KCNJ10: variants seen among roughly 807,000 people sequenced by gnomAD.
The protein encoded by KCNJ10 is potassium inwardly rectifying channel subfamily J member 10.
KCNJ10 carries 9 observed loss-of-function variants against 22.2 expected under a neutral mutation model. The observed-to-expected ratio is 0.40, with a 90% CI of 0.24 to 0.71. The LOEUF (loss-of-function observed/expected upper bound fraction) is 0.71, where lower values mean the gene tolerates loss of function less well. Among genes scored for constraint, KCNJ10 ranks in the 30% least tolerant of loss-of-function variants. The probability of loss-of-function intolerance (pLI) is 0.35; values close to 1 mark genes in which losing one functional copy is unlikely to be tolerated. For synonymous variants in KCNJ10, 184 were observed against 187.3 expected (o/e 0.98, Z 0.15); for missense variants, 337 against 482.7 (o/e 0.70, Z 2.83).
intron 1 of KCNJ10, among the ~76,000 whole-genome samples, chr1:160,051,956 C>T (rs1335829316): frequency 6.6e-6 from 1 of 152,146 alleles, no homozygotes; most frequent in African/African-American, 2.4e-5. Flanking sequence ...TATGGTTTCT[C>T]CAGCTTCCTG....
Position 160,040,790 on chromosome 1 carries a change from A to T in KCNJ10, c.*603T>A, listed in dbSNP as rs1648582610. 1 of 395,594 alleles carries T rather than the reference A, an allele frequency of 2.5e-6. No homozygotes were observed. The highest frequency in any genetic ancestry group is 4.5e-6 in the Non-Finnish European group (1 of 223,860). The allele number at this position is 395,594 out of a possible 1,614,324, so 24.5% of individuals were successfully genotyped here. On this transcript the variant is annotated 3_prime_UTR_variant, in exon 2 of 2. Transcript: ENST00000644903. ...TGTTCACTTGAGAAACTACAGAGGG[A>T]AAACAGTGGCGACCATGGTTCTAGC...
intron 1 of KCNJ10, among the ~76,000 whole-genome samples, chr1:160,049,675 T>TTATTTATTTATA (rs1283511580): frequency 4.2e-5 from 2 of 47,096 alleles, no homozygotes; most frequent in African/African-American, 7.1e-5. Context: ...TTTTATTTAT[T>TTATTTATTTATA]TATATATATA....
intron 1 of KCNJ10, among the ~76,000 whole-genome samples, chr1:160,060,797 C>A (rs1649172444): frequency 6.6e-6 from 1 of 152,156 alleles, no homozygotes; most frequent in African/African-American, 2.4e-5. Context: ...ATACAGCCTA[C>A]AGATCCTCGT....
chr1:160,065,139 A>T (rs1433726448), intron 1 of KCNJ10: 1 of 152,152 alleles, frequency 6.6e-6, no homozygotes. Flanking sequence ...TAGGGCTTGT[A>T]ATCTTAGGGT....
chr1:160,043,272 A>AACACACAC (rs779402094), intron 1 of KCNJ10, among the ~76,000 whole-genome samples: 77 of 132,746 alleles, frequency 5.8e-4, no homozygotes, highest in Admixed American at 2.1e-3. Context: ...TCCCCCTTAA[A>AACACACAC]ACACACACAC....
In KCNJ10 at chr1:160,038,878, T is replaced by C. The variant is rs1648539002; in HGVS notation, c.*2515A>G. ...CTTCCCCCATCAGTTGTTTCGCCCG[T>C]CTTCTGAAATCTCCCCTTTTTACAC... On this transcript the variant is annotated 3_prime_UTR_variant, in exon 2 of 2. Transcript: ENST00000644903. The C allele has an allele frequency of 6.6e-6, 1 of 152,274 alleles. No individual in the cohort carries two copies. The highest frequency in any genetic ancestry group is 2.1e-4 in the South Asian group (1 of 4,834). The allele number at this position is 152,274 out of a possible 1,614,324, so 9.4% of individuals were successfully genotyped here.
In KCNJ10 at chr1:160,040,720, A is replaced by G. The variant is rs1395489540; in HGVS notation, c.*673T>C. 3 of 397,584 alleles carry G rather than the reference A, an allele frequency of 7.5e-6. No homozygotes were observed. The highest frequency in any genetic ancestry group is 1.3e-5 in the Non-Finnish European group (3 of 225,982). 24.6% of individuals were successfully genotyped at this position (397,584 alleles called of 1,614,324 possible). On this transcript the variant is annotated 3_prime_UTR_variant, in exon 2 of 2. Transcript: ENST00000644903. ...GTTTATGTTTCTTGGGCCAACTCCAATTCTCTGAGAACAGAGGCTATGAGG... is the reference window on the plus strand; with the variant it reads ...GTTTATGTTTCTTGGGCCAACTCCAGTTCTCTGAGAACAGAGGCTATGAGG...
In KCNJ10 at chr1:160,041,464, A is replaced by C. The variant is rs370664864; in HGVS notation, c.1069T>G (p.Leu357Val). 6.2e-7 allele frequency: 1 copy of C among 1,614,026 alleles called. No homozygotes were observed. Among genetic ancestry groups the C allele is most frequent in the Non-Finnish European group, 8.5e-7 (1 of 1,180,028 alleles). The change falls in exon 2 of 2, where the codon TTG becomes GTG. Residue 357 changes from leucine (L) to valine (V), a missense_variant. Coordinates refer to ENST00000644903, the MANE Select transcript of KCNJ10 (RefSeq NM_002241.5). The surrounding 1 kb of genome is among the most constrained non-coding windows in gnomAD (Gnocchi z 4.4). The stretch of plus-strand genomic sequence containing the variant: ...GCTTGCTCCCTTAATGACTCCTCCA[A>C]CTTGAGCTTTTCAGGGTCTCCGTAG... ...VRYGDPEKLK[L>V]EESLREQAEK...
intron 1 of KCNJ10, among the ~76,000 whole-genome samples, chr1:160,045,787 C>T (rs1648729889): frequency 6.6e-6 from 1 of 152,138 alleles, no homozygotes; most frequent in Non-Finnish European, 1.5e-5. Context: ...GGAGAAGAGA[C>T]AATCAGAAAG....
intron 1 of KCNJ10, among the ~76,000 whole-genome samples, chr1:160,056,428 G>A (rs939518979): frequency 5.9e-5 from 9 of 152,160 alleles, no homozygotes; most frequent in Non-Finnish European, 1.3e-4. Context: ...TGCTCCACTT[G>A]TCTGTCTCCC....
chr1:160,049,249 C>T (rs191610553), intron 1 of KCNJ10, among the ~76,000 whole-genome samples: 47 of 152,242 alleles, frequency 3.1e-4, no homozygotes, highest in Non-Finnish European at 5.9e-4. Flanking sequence ...CAGGCCAAAC[C>T]CAGGCTGGCA....
At chr1:160,050,860 G>GT (rs1557970778) in intron 1 of KCNJ10, among the ~76,000 whole-genome samples, 2 of 152,192 alleles carry the variant, frequency 1.3e-5, no homozygotes, top group African/African-American at 4.8e-5. Flanking sequence ...CAGGGCCAGG[G>GT]TCAGGCCCTG....
intron 1 of KCNJ10, among the ~76,000 whole-genome samples, chr1:160,062,257 G>A (rs1031584297): frequency 7.2e-5 from 11 of 152,180 alleles, no homozygotes; most frequent in South Asian, 4.1e-4. Flanking sequence ...ACACTGGGGC[G>A]AAGGGGGGGT....
intron 1 of KCNJ10, among the ~76,000 whole-genome samples, chr1:160,061,550 C>T (rs1253809123): frequency 6.6e-6 from 1 of 152,004 alleles, no homozygotes; most frequent in Non-Finnish European, 1.5e-5. Context: ...TAGAGTGCAG[C>T]AAGAGGCTGT....
chr1:160,068,823 C>A (rs532117924), intron 1 of KCNJ10, among the ~76,000 whole-genome samples: 37 of 152,334 alleles, frequency 2.4e-4, no homozygotes, highest in African/African-American at 8.9e-4. Context: ...TCACTGGTGG[C>A]TGCCCACCCC....
chr1:160,052,035 T>C (rs1349173737), intron 1 of KCNJ10, among the ~76,000 whole-genome samples: 1 of 152,142 alleles, frequency 6.6e-6, no homozygotes, highest in Admixed American at 6.5e-5. Flanking sequence ...TTTACCACAC[T>C]TTATCCTTCT....
Position 160,040,366 on chromosome 1 carries a change from G to C in KCNJ10, c.*1027C>G, listed in dbSNP as rs12067668. 5.1e-6 allele frequency: 2 copies of C among 394,002 alleles called. No individual in the cohort carries two copies. Among genetic ancestry groups the C allele is most frequent in the Non-Finnish European group, 8.9e-6 (2 of 223,790 alleles). The allele number at this position is 394,002 out of a possible 1,614,324, so 24.4% of individuals were successfully genotyped here. ...TGAATCTAGTTTTACTTGAGCATCC[G>C]TGTTAAGAGAGGAAGGCCCTTGCAT... is the stretch of plus-strand genomic sequence containing the variant. On this transcript the variant is annotated 3_prime_UTR_variant, in exon 2 of 2. Coordinates refer to ENST00000644903, the MANE Select transcript of KCNJ10 (RefSeq NM_002241.5).
intron 1 of KCNJ10, among the ~76,000 whole-genome samples, chr1:160,056,673 T>C (rs1167991011): frequency 6.6e-6 from 1 of 152,250 alleles, no homozygotes; most frequent in African/African-American, 2.4e-5. Flanking sequence ...GTGAGCTCTT[T>C]GAAGGCACAG....
chr1:160,061,591 C>G (rs12086698), intron 1 of KCNJ10, among the ~76,000 whole-genome samples: 2 of 151,962 alleles, frequency 1.3e-5, no homozygotes, highest in Admixed American at 1.3e-4. Context: ...CAGGTGCAGT[C>G]TGGGGCAGCG....
Sources: gnomAD v4.1 joint callset for allele counts (sites outside exome capture counted in the v4.1 genomes callset) on GRCh38, gnomAD v4.1.1 for gene constraint, Gnocchi (gnomAD v3.1) non-coding constraint, MANE v1.5 for transcripts, NCBI Gene and HGNC (gene_info 2026-07-23, HGNC 2026-07-21) for gene names.